APP: variants seen among roughly 807,000 people sequenced by gnomAD.
The protein encoded by APP is amyloid beta precursor protein, also known as amyloid-beta precursor protein.
A neutral mutation model predicts 101.4 loss-of-function variants in APP; 31 were observed. The observed-to-expected ratio is 0.31, with a 90% CI of 0.23 to 0.41. The LOEUF is 0.41. APP is among the 10% of genes least tolerant of loss of function. The probability of loss-of-function intolerance (pLI) is 1.00; values close to 1 mark genes in which losing one functional copy is unlikely to be tolerated. For missense variants in APP, 839 were observed against 1,003.7 expected (o/e 0.84, Z 2.22); for synonymous variants, 366 against 364.4 (o/e 1.00, Z -0.05).
chr21:26,028,536 G>A (rs1165449277), intron 5 of APP, among the ~76,000 whole-genome samples: 1 of 152,168 alleles, frequency 6.6e-6, no homozygotes, highest in Non-Finnish European at 1.5e-5. Context: ...TTAACAGTGA[G>A]GAAGGGTAAA....
intron 2 of APP, among the ~76,000 whole-genome samples, chr21:26,102,852 T>C (rs1028391523): frequency 7.9e-6 from 1 of 126,508 alleles, no homozygotes; most frequent in East Asian, 2.5e-4. Context: ...ACTGCACCAC[T>C]GCACTCCAGC....
intron 8 of APP, 45 bp downstream of exon 8, chr21:25,997,315 C>A: frequency 6.4e-7 from 1 of 1,572,952 alleles, no homozygotes; most frequent in Non-Finnish European, 8.8e-7. Context: ...AACCAAGCAG[C>A]ATCCTCCTCC....
At chr21:26,031,549 T>C (rs189736953) in intron 5 of APP, among the ~76,000 whole-genome samples, 54 of 152,130 alleles carry the variant, frequency 3.5e-4, no homozygotes, top group Non-Finnish European at 6.3e-4. Context: ...ATTTCTTACA[T>C]GGTGGCGGCA....
chr21:26,135,681 T>C (rs2062880368), intron 1 of APP, among the ~76,000 whole-genome samples: 1 of 152,150 alleles, frequency 6.6e-6, no homozygotes, highest in Non-Finnish European at 1.5e-5. Context: ...AAGCCCTAGC[T>C]GGAAAGTTAC....
chr21:26,087,854 G>C (rs909503214), intron 3 of APP, among the ~76,000 whole-genome samples: 1 of 152,186 alleles, frequency 6.6e-6, no homozygotes, highest in Non-Finnish European at 1.5e-5. Context: ...GCATAATGCA[G>C]TGTAGCACAA....
chr21:26,063,808 G>C (rs1197437460), intron 3 of APP, among the ~76,000 whole-genome samples: 2 of 152,252 alleles, frequency 1.3e-5, no homozygotes, highest in African/African-American at 4.8e-5. Flanking sequence ...ATTGTGGGCT[G>C]TGCAAACTGA....
chr21:26,170,576 A>G lies in APP; in HGVS notation c.45T>C (p.Ala15=). 6.5e-7 allele frequency: 1 copy of G among 1,538,670 alleles called. No individual in the cohort carries two copies. Among genetic ancestry groups the G allele is most frequent in the Non-Finnish European group, 8.7e-7 (1 of 1,146,436 alleles). The stretch of plus-strand genomic sequence containing the variant: ...GCGCGGCACCCACCTCCAGCGCCCG[A>G]GCCGTCCAGGCGGCCAGCAGGAGCA... The part of the protein sequence containing the change: ...LALLLLAAWT[A]RALEVPTDGN... Residue 15 remains alanine, a synonymous_variant, in exon 1 of 18, where the codon GCT becomes GCC. Coordinates refer to ENST00000346798, the MANE Select transcript of APP (RefSeq NM_000484.4).
intron 1 of APP, among the ~76,000 whole-genome samples, chr21:26,116,722 T>G (rs1431580878): frequency 6.6e-6 from 1 of 152,204 alleles, no homozygotes; most frequent in Non-Finnish European, 1.5e-5. Flanking sequence ...CTTAGTTGCA[T>G]CCGTGGATTT....
At chr21:25,985,809 C>G (rs976931962) in intron 8 of APP, among the ~76,000 whole-genome samples, 1 of 152,016 alleles carries the variant, frequency 6.6e-6, no homozygotes, top group South Asian at 2.1e-4. Flanking sequence ...ATCTTTAACT[C>G]AAATTTTTCA....
At chr21:26,029,580 T>A (rs930912249) in intron 5 of APP, among the ~76,000 whole-genome samples, 2 of 150,900 alleles carry the variant, frequency 1.3e-5, no homozygotes, top group African/African-American at 4.9e-5. Context: ...CTAGGCAGGG[T>A]GGGTAGAGCA....
chr21:25,935,316 C>T (rs1405254073), intron 13 of APP: 1 of 152,134 alleles, frequency 6.6e-6, no homozygotes, highest in Non-Finnish European at 1.5e-5. Flanking sequence ...AAAAAATCTC[C>T]AGTAGTCTAA....
At chr21:25,946,907 C>T (rs1470721939) in intron 13 of APP, among the ~76,000 whole-genome samples, 4 of 152,128 alleles carry the variant, frequency 2.6e-5, no homozygotes, top group African/African-American at 9.7e-5. Context: ...CTGAATTATA[C>T]ATATTAAGGT....
At chr21:25,999,970 CGA>C in intron 7 of APP, 43 bp downstream of exon 7, 2 of 1,602,822 alleles carry the variant, frequency 1.2e-6, no homozygotes, top group Non-Finnish European at 8.5e-7. Context: ...GAGTCAGTGG[CGA>C]GAGAGACGAA....
chr21:26,069,821 T>C (rs2046604223), intron 3 of APP, among the ~76,000 whole-genome samples: 1 of 152,154 alleles, frequency 6.6e-6, no homozygotes, highest in South Asian at 2.1e-4. Flanking sequence ...TCTTAAAAGA[T>C]GCAGAACTAT....
intron 6 of APP, among the ~76,000 whole-genome samples, chr21:26,017,452 A>C (rs2044148058): frequency 6.6e-6 from 1 of 151,556 alleles, no homozygotes; most frequent in Non-Finnish European, 1.5e-5. Context: ...AAAGGGCAAG[A>C]GTGGTGACCG....
In APP at chr21:26,013,390, T is replaced by G. The variant is rs185219906; in HGVS notation, c.865+8450A>C. On this transcript the variant is annotated intron_variant, in intron 6 of 17. Transcript: ENST00000346798. ...TTTAAATGAACCTGAACCTCTGAGT[T>G]GCTGGATTTCTTCTTTGAGGTTTGA... is the stretch of plus-strand genomic sequence containing the variant. Among the ~76,000 whole-genome samples, 400 of 152,198 alleles carry G rather than the reference T, an allele frequency of 2.6e-3. 1 individual carries two copies. The highest frequency in any genetic ancestry group is 4.6e-3 in the Non-Finnish European group (315 of 68,002).
intron 11 of APP, among the ~76,000 whole-genome samples, chr21:25,973,164 C>CAA (rs34239681): frequency 0.057 from 8,404 of 146,622 alleles, 547 homozygotes; most frequent in East Asian, 0.16. Flanking sequence ...CTAATTAATC[C>CAA]AAAAAAAAAA....
intron 3 of APP, among the ~76,000 whole-genome samples, chr21:26,074,701 A>G (rs11087990): frequency 0.087 from 13,186 of 152,120 alleles, 719 homozygotes; most frequent in East Asian, 0.23. Flanking sequence ...CAGTGAGCAG[A>G]GATTGCGTCA....
intron 4 of APP, among the ~76,000 whole-genome samples, chr21:26,051,529 C>T (rs894182681): frequency 5.9e-5 from 9 of 152,222 alleles, no homozygotes; most frequent in Non-Finnish European, 1.0e-4. Flanking sequence ...TGCCTTCTGG[C>T]TTAATTCGTG....
Sources: allele counts gnomAD v4.1 joint callset (sites outside exome capture counted in the v4.1 genomes callset), GRCh38; gene constraint gnomAD v4.1.1; transcripts MANE v1.5; gene names NCBI Gene and HGNC (gene_info 2026-07-23, HGNC 2026-07-21).